PJA2: variants seen among roughly 807,000 people sequenced by gnomAD.
The protein encoded by PJA2 is E3 ubiquitin-protein ligase Praja-2.
In PJA2, 25 loss-of-function variants were observed where a neutral mutation model predicts 69.3. That is an observed-to-expected ratio of 0.36 (90% confidence interval 0.26 to 0.50). The LOEUF is 0.50. PJA2 is among the 20% of genes least tolerant of loss of function. The pLI, the probability that PJA2 is intolerant of heterozygous loss-of-function variation, is 0.96. For missense variants in PJA2, 809 were observed against 830.2 expected (o/e 0.97, Z 0.31); for synonymous variants, 308 against 277.8 (o/e 1.11, Z -1.08).
chr5:109,371,847 G>A (rs1189880420), intron 4 of PJA2, among the ~76,000 whole-genome samples: 1 of 152,184 alleles, frequency 6.6e-6, no homozygotes, highest in South Asian at 2.1e-4. Context: ...CTTGCCTGGA[G>A]TTAAACCCAC....
chr5:109,347,142 A>T (rs1561342021), intron 7 of PJA2, among the ~76,000 whole-genome samples: 4 of 152,258 alleles, frequency 2.6e-5, no homozygotes. Context: ...TTGAACACTA[A>T]ATTTGACTCT....
At chr5:109,389,640 T>C (rs920129306) in intron 1 of PJA2, among the ~76,000 whole-genome samples, 10 of 152,024 alleles carry the variant, frequency 6.6e-5, no homozygotes, top group African/African-American at 2.4e-4. Flanking sequence ...TATTTCCTTC[T>C]TTCTACTTCC....
At chr5:109,343,038 G>A (rs1257248803) in intron 9 of PJA2, among the ~76,000 whole-genome samples, 1 of 104,772 alleles carries the variant, frequency 9.5e-6, no homozygotes, top group Non-Finnish European at 2.0e-5. Context: ...GGGCCAGGAT[G>A]ACAATGGCGG....
chr5:109,406,349 T>C (rs1747693961), intron 1 of PJA2, among the ~76,000 whole-genome samples: 1 of 152,130 alleles, frequency 6.6e-6, no homozygotes, highest in East Asian at 1.9e-4. Context: ...CCACCCATTG[T>C]TGTTTGTTTG....
chr5:109,351,859 T>C (rs1582588821), intron 7 of PJA2, among the ~76,000 whole-genome samples: 1 of 152,128 alleles, frequency 6.6e-6, no homozygotes, highest in Admixed American at 6.6e-5. Context: ...TAAAGAGTGT[T>C]AGTGTTAAAT....
chr5:109,376,022 T>C (rs960614697), intron 4 of PJA2, among the ~76,000 whole-genome samples: 3 of 152,138 alleles, frequency 2.0e-5, no homozygotes, highest in African/African-American at 7.2e-5. Context: ...GATAAAAATA[T>C]AAGTACAGTC....
intron 2 of PJA2, among the ~76,000 whole-genome samples, chr5:109,382,668 C>T (rs1359309067): frequency 6.6e-6 from 1 of 151,732 alleles, no homozygotes; most frequent in Non-Finnish European, 1.5e-5. Context: ...GCCAACATGG[C>T]GAAACCCCGT....
At chr5:109,403,833 G>A (rs974607702) in intron 1 of PJA2, among the ~76,000 whole-genome samples, 4 of 151,870 alleles carry the variant, frequency 2.6e-5, no homozygotes, top group Non-Finnish European at 5.9e-5. Context: ...ACACTTTGGG[G>A]GGCCAAGGCG....
At chr5:109,403,996 A>G (rs1237693843) in intron 1 of PJA2, among the ~76,000 whole-genome samples, 1 of 151,886 alleles carries the variant, frequency 6.6e-6, no homozygotes, top group Non-Finnish European at 1.5e-5. Flanking sequence ...ACTTGAACCC[A>G]GGAGGCGGAG....
At chr5:109,356,885 C>T (rs1325511945) in intron 6 of PJA2, among the ~76,000 whole-genome samples, 1 of 152,002 alleles carries the variant, frequency 6.6e-6, no homozygotes, top group African/African-American at 2.4e-5. Context: ...AGAAGAAAAA[C>T]ATGTCTCACT....
At chr5:109,392,730 C>G (rs1747311243) in intron 1 of PJA2, among the ~76,000 whole-genome samples, 1 of 152,152 alleles carries the variant, frequency 6.6e-6, no homozygotes, top group African/African-American at 2.4e-5. Context: ...ATACAATTGA[C>G]TTATGACAAT....
Position 109,385,477 on chromosome 5 carries a change from G to C in PJA2, c.-87-1957C>G, listed in dbSNP as rs143053352. On this transcript the variant is annotated intron_variant, in intron 1 of 9. Transcript: ENST00000361189. ...AATTTCAATTAATGTAGGAAAAATT[G>C]TGGAAGAGCCAGATTTGAAGAAAAT... Among the ~76,000 whole-genome samples the C allele has an allele frequency of 4.1e-3, 621 of 152,316 alleles. 7 individuals are homozygous for C. Among genetic ancestry groups the C allele is most frequent in the East Asian group, 0.041 (211 of 5,186 alleles).
chr5:109,343,171 C>A (rs1410232362), intron 9 of PJA2, among the ~76,000 whole-genome samples: 4 of 120,026 alleles, frequency 3.3e-5, no homozygotes, highest in Non-Finnish European at 5.1e-5. Flanking sequence ...AAGAAAAATT[C>A]CTCTCTCTTG....
chr5:109,342,428 GAT>G (rs1762087065), intron 9 of PJA2, among the ~76,000 whole-genome samples: 2 of 134,734 alleles, frequency 1.5e-5, no homozygotes, highest in African/African-American at 5.8e-5. Context: ...GGGAGGTGGG[GAT>G]GTCGGCCCCC....
intron 1 of PJA2, among the ~76,000 whole-genome samples, chr5:109,387,107 A>C: frequency 6.6e-6 from 1 of 151,998 alleles, no homozygotes; most frequent in Non-Finnish European, 1.5e-5. Flanking sequence ...GGGAGATTTC[A>C]CTCATTTTTA....
intron 5 of PJA2, among the ~76,000 whole-genome samples, chr5:109,366,708 T>A (rs1417239287): frequency 6.6e-6 from 1 of 152,198 alleles, no homozygotes; most frequent in African/African-American, 2.4e-5. Context: ...AACGCCAATA[T>A]CCAACACAAT....
At chr5:109,386,467 C>T (rs1747160147) in intron 1 of PJA2, among the ~76,000 whole-genome samples, 2 of 152,158 alleles carry the variant, frequency 1.3e-5, no homozygotes, top group Non-Finnish European at 2.9e-5. Context: ...GTTTCTTAAA[C>T]TTTTCTTTAA....
At chr5:109,337,396 T>G in intron 9 of PJA2, 40 bp from the exon 10 acceptor site, 1 of 1,541,564 alleles carries the variant, frequency 6.5e-7, no homozygotes, top group South Asian at 1.2e-5. Context: ...CAGAATCATC[T>G]TAACTGCCAC....
At chr5:109,353,511 T>C (rs1279215886) in intron 7 of PJA2, among the ~76,000 whole-genome samples, 1 of 89,512 alleles carries the variant, frequency 1.1e-5, no homozygotes, top group Admixed American at 1.3e-4. Flanking sequence ...TATCTATAGA[T>C]ATCTATATAT....
Sources: gnomAD v4.1 joint callset for allele counts (sites outside exome capture counted in the v4.1 genomes callset) on GRCh38, gnomAD v4.1.1 for gene constraint, MANE v1.5 for transcripts, NCBI Gene and HGNC (gene_info 2026-07-23, HGNC 2026-07-21) for gene names.